RSRC2: variants seen among roughly 807,000 people sequenced by gnomAD.
RSRC2 encodes the protein arginine and serine rich coiled-coil 2, also known as arginine/serine-rich coiled-coil protein 2.
Under a neutral mutation model 61.3 loss-of-function variants are expected in RSRC2, and 5 were observed. That is an observed-to-expected ratio of 0.08 (90% CI 0.04 to 0.17). The LOEUF (loss-of-function observed/expected upper bound fraction) is 0.17. Among genes scored for constraint, RSRC2 ranks in the 10% least tolerant of loss-of-function variants. The probability of loss-of-function intolerance (pLI) is 1.00; values close to 1 mark genes in which losing one functional copy is unlikely to be tolerated. For missense variants in RSRC2, 381 were observed against 518.8 expected (o/e 0.73, Z 2.58); for synonymous variants, 202 against 166.5 (o/e 1.21, Z -1.64).
chr12:122,514,831 T>A, intron 6 of RSRC2: 1 of 737,990 alleles, frequency 1.4e-6, no homozygotes, highest in South Asian at 2.3e-5. Flanking sequence ...AAGTTTCAAA[T>A]GCAAACTGAA....
At chr12:122,521,835 T>C (rs1959237667) in intron 2 of RSRC2, among the ~76,000 whole-genome samples, 1 of 152,242 alleles carries the variant, frequency 6.6e-6, no homozygotes, top group Non-Finnish European at 1.5e-5. Flanking sequence ...ACCCAGTCTC[T>C]ACTAAAAATA....
chr12:122,520,377 T>C, intron 3 of RSRC2: 3 of 547,684 alleles, frequency 5.5e-6, no homozygotes, highest in South Asian at 4.8e-5. Context: ...CTTCTAAAGG[T>C]TTTAAAGTTT....
intron 1 of RSRC2, among the ~76,000 whole-genome samples, 189 bp downstream of exon 1, chr12:122,526,659 C>G (rs1960537975): frequency 6.6e-6 from 1 of 152,064 alleles, no homozygotes; most frequent in South Asian, 2.1e-4. Flanking sequence ...CTGCGGCTCC[C>G]CACCCCCACC....
At position 122,515,658 on chromosome 12, in the gene RSRC2, G is replaced by A. The variant is rs74773799; in HGVS notation, c.603-431C>T. Reference sequence around the variant, plus strand: ...ACATATTTTCATCTACAGTGAATTTGTAGATGTTTTTCAAAAATAAAAAGT... The same window carrying A: ...ACATATTTTCATCTACAGTGAATTTATAGATGTTTTTCAAAAATAAAAAGT... On this transcript the variant is annotated intron_variant, in intron 5 of 9. Coordinates refer to ENST00000331738, the MANE Select transcript of RSRC2 (RefSeq NM_023012.6). 9.5e-3 allele frequency among the ~76,000 whole-genome samples: 1,454 copies of A among 152,268 alleles called. 51 individuals are homozygous for A. The East Asian group carries it at 0.13, about 13-fold the overall frequency.
intron 9 of RSRC2, 111 bp downstream of exon 9, chr12:122,506,723 A>AC: frequency 1.4e-6 from 1 of 693,730 alleles, no homozygotes; most frequent in Non-Finnish European, 2.6e-6. Context: ...GTGGGAAAGA[A>AC]CTCAAAAACG....
chr12:122,519,811 T>C (rs1297340087), intron 3 of RSRC2: 2 of 152,392 alleles, frequency 1.3e-5, no homozygotes, highest in Non-Finnish European at 1.5e-5. Flanking sequence ...TCAGCTCAAA[T>C]TAACTGCATG....
At chr12:122,526,741 A>AT in intron 1 of RSRC2, 107 bp downstream of exon 1, 3 of 1,294,100 alleles carry the variant, frequency 2.3e-6, no homozygotes, top group Non-Finnish European at 3.3e-6. Context: ...CCGCGGCGCC[A>AT]TTTTGTCTAC....
chr12:122,518,608 A>G (rs1326463628), intron 4 of RSRC2, among the ~76,000 whole-genome samples: 1 of 148,620 alleles, frequency 6.7e-6, no homozygotes, highest in African/African-American at 2.5e-5. Context: ...AAAAAAAGGG[A>G]AAAGAAATCT....
intron 6 of RSRC2, among the ~76,000 whole-genome samples, chr12:122,511,677 A>ACCTTGCCATTC (rs1958523825): frequency 3.3e-5 from 5 of 152,246 alleles, no homozygotes; most frequent in Admixed American, 3.3e-4. Flanking sequence ...GGTCAAGCAA[A>ACCTTGCCATTC]CCTTGCCATT....
At position 122,515,209 on chromosome 12, in the gene RSRC2, A is replaced by G; in HGVS notation, c.621T>C (p.Ile207=). 6.2e-7 allele frequency: 1 copy of G among 1,613,898 alleles called. No individual in the cohort carries two copies. The highest frequency in any genetic ancestry group is 8.5e-7 in the Non-Finnish European group (1 of 1,179,900). ...TTCTGCTAAATCTTCTCGGCTTTTC[A>G]ATTCTCTTCTTTCTATCTCTGTAGT... The part of the protein sequence containing the change: ...RSRSRDRKKR[I]EKPRRFSRSL... Residue 207 remains isoleucine (I), a synonymous_variant, in exon 6 of 10, where the codon ATT becomes ATC. Transcript: ENST00000331738.
chr12:122,505,773 ATTTT>A (rs967629961), intron 9 of RSRC2, 67 bp from the exon 10 acceptor site: 2 of 1,366,462 alleles, frequency 1.5e-6, no homozygotes, highest in African/African-American at 1.5e-5. Flanking sequence ...ACTTGACACT[ATTTT>A]TTATGTATTT....
rs1958477442 is a variant in RSRC2, at chr12:122,511,143, C to T, written c.771G>A (p.Met257Ile). 1.4e-5 allele frequency: 23 copies of T among 1,607,894 alleles called. No individual in the cohort carries two copies. Among genetic ancestry groups the T allele is most frequent in the Non-Finnish European group, 2.0e-5 (23 of 1,179,430 alleles). Reference sequence around the variant, plus strand: ...TTTCTTGTTGTTTTTGTTTTTCAACCATTTCCTTTTCTCGCTGTTCTTGTA... The same window carrying T: ...TTTCTTGTTGTTTTTGTTTTTCAACTATTTCCTTTTCTCGCTGTTCTTGTA... ...KKLQEQREKE[M>I]VEKQKQQEIA... Residue 257 changes from methionine to isoleucine, a missense_variant, in exon 7 of 10, where the codon ATG (methionine) becomes ATA (isoleucine). By Grantham distance (10) the Met-to-Ile change is conservative. This residue lies in a region of RSRC2 where 26 missense variants were observed against 27.5 expected (regional missense o/e 0.95). Transcript: ENST00000331738.
In RSRC2 at chr12:122,522,303, A is replaced by C; in HGVS notation, c.7-4T>G. ...CATCTCGCTCTGTATCACTAGCCTA[A>C]AAGTTTAAAAACAAATGATTAAAGT... is the stretch of plus-strand genomic sequence containing the variant. On this transcript the variant is annotated splice_region_variant and splice_polypyrimidine_tract_variant and intron_variant, in intron 1 of 9. Coordinates refer to ENST00000331738, the MANE Select transcript of RSRC2 (RefSeq NM_023012.6). 6.3e-7 allele frequency: 1 copy of C among 1,578,298 alleles called. No homozygotes were observed. Among genetic ancestry groups the C allele is most frequent in the Non-Finnish European group, 8.6e-7 (1 of 1,169,010 alleles).
intron 9 of RSRC2, 76 bp from the exon 10 acceptor site, chr12:122,505,782 G>C (rs112040871): frequency 7.6e-7 from 1 of 1,313,186 alleles, no homozygotes; most frequent in Non-Finnish European, 1.0e-6. Context: ...TATTTTTTAT[G>C]TATTTTTTTT....
chr12:122,520,689 G>A (rs1959185799), intron 3 of RSRC2: 1 of 680,832 alleles, frequency 1.5e-6, no homozygotes, highest in African/African-American at 1.9e-5. Context: ...ATTACGGGAA[G>A]AGGTGAAGTC....
intron 5 of RSRC2, among the ~76,000 whole-genome samples, chr12:122,516,852 C>G (rs1958968853): frequency 6.6e-6 from 1 of 152,084 alleles, no homozygotes; most frequent in African/African-American, 2.4e-5. Flanking sequence ...GTCATCACCC[C>G]AGGCTAATTT....
intron 6 of RSRC2, 43 bp from the exon 7 acceptor site, chr12:122,511,231 A>G (rs758502788): frequency 1.4e-6 from 2 of 1,438,604 alleles, no homozygotes; most frequent in East Asian, 2.3e-5. Flanking sequence ...CACAATATAA[A>G]ACCATTATGT....
At chr12:122,515,878 A>G (rs543136899) in intron 5 of RSRC2, among the ~76,000 whole-genome samples, 1 of 152,098 alleles carries the variant, frequency 6.6e-6, no homozygotes, top group East Asian at 1.9e-4. Context: ...AATCCCAGCT[A>G]CTCGGGAGGC....
intron 5 of RSRC2, 50 bp from the exon 6 acceptor site, chr12:122,515,277 T>C: frequency 2.6e-6 from 4 of 1,564,862 alleles, no homozygotes; most frequent in Non-Finnish European, 3.5e-6. Flanking sequence ...GTCATAACTA[T>C]TTTGTTAATA....
Sources: allele counts gnomAD v4.1 joint callset (sites outside exome capture counted in the v4.1 genomes callset), GRCh38; gene constraint gnomAD v4.1.1; regional missense constraint gnomAD v4.1.1; transcripts MANE v1.5; gene names NCBI Gene and HGNC (gene_info 2026-07-23, HGNC 2026-07-21).